ELAVL2: variants seen among roughly 807,000 people sequenced by gnomAD.
ELAVL2 encodes ELAV-like protein 2.
Under a neutral mutation model 34.6 loss-of-function variants are expected in ELAVL2, and 4 were observed. The ratio of observed to expected loss-of-function variants is 0.12; its 90% confidence interval spans 0.06 to 0.26. The LOEUF (loss-of-function observed/expected upper bound fraction) is 0.26. ELAVL2 is among the 10% of genes least tolerant of loss of function. The pLI is 1.00. For synonymous variants in ELAVL2, 193 were observed against 154.8 expected, an observed-to-expected ratio of 1.25 and a Z score of -1.83; for missense variants, 432 against 442.8, an observed-to-expected ratio of 0.98 and a Z score of 0.22.
At chr9:23,727,842 CT>C (rs1212041356) in intron 3 of ELAVL2, among the ~76,000 whole-genome samples, 1 of 152,018 alleles carries the variant, frequency 6.6e-6, no homozygotes, top group Non-Finnish European at 1.5e-5. Flanking sequence ...TGAGCTAATG[CT>C]ATTAGGGAGC....
chr9:23,840,618 C>T, the ELAVL2 span, among the ~76,000 whole-genome samples: 1 of 152,104 alleles, frequency 6.6e-6, no homozygotes, highest in African/African-American at 2.4e-5. Flanking sequence ...AAAGATTTTA[C>T]TTACATTCAT....
intron 2 of ELAVL2, among the ~76,000 whole-genome samples, chr9:23,740,203 C>G (rs1356348770): frequency 2.0e-5 from 3 of 152,170 alleles, no homozygotes. Flanking sequence ...GCTATGTCTA[C>G]CTGTCTGGCA....
At chr9:23,814,173 C>A (rs910797639) in intron 1 of ELAVL2, among the ~76,000 whole-genome samples, 2 of 152,202 alleles carry the variant, frequency 1.3e-5, no homozygotes, top group African/African-American at 2.4e-5. Context: ...GATCACCCTT[C>A]AGGACCTGTG....
chr9:23,821,863 G>T (rs1003853444), intron 1 of ELAVL2: 7 of 151,392 alleles, frequency 4.6e-5, no homozygotes, highest in African/African-American at 1.5e-4. Context: ...GGGCGGGAAG[G>T]AGGGGCTTGC....
the ELAVL2 span, among the ~76,000 whole-genome samples, chr9:23,836,546 T>A: frequency 1.3e-5 from 2 of 152,194 alleles, no homozygotes; most frequent in East Asian, 3.8e-4. Flanking sequence ...ACATGAAAGT[T>A]TGAGCCTCTT....
At chr9:23,765,944 A>G (rs1306586423) in intron 1 of ELAVL2, among the ~76,000 whole-genome samples, 1 of 152,166 alleles carries the variant, frequency 6.6e-6, no homozygotes, top group Non-Finnish European at 1.5e-5. Flanking sequence ...CCAAATACCA[A>G]ACAGAGCCAT....
At chr9:23,842,081 G>A in the ELAVL2 span, among the ~76,000 whole-genome samples, 21 of 152,160 alleles carry the variant, frequency 1.4e-4, no homozygotes, top group Admixed American at 1.2e-3. Flanking sequence ...CTTCCATTTC[G>A]TTTTTTGTTT....
intron 1 of ELAVL2, among the ~76,000 whole-genome samples, chr9:23,801,849 C>T (rs1259843260): frequency 6.6e-6 from 1 of 152,116 alleles, no homozygotes; most frequent in African/African-American, 2.4e-5. Context: ...GGGGAAGGGA[C>T]TCCCACAGAG....
At chr9:23,845,944 C>A in the ELAVL2 span, among the ~76,000 whole-genome samples, 6 of 151,872 alleles carry the variant, frequency 4.0e-5, no homozygotes, top group African/African-American at 1.2e-4. Flanking sequence ...TGTTGAATGT[C>A]AATGATGTCC....
intron 1 of ELAVL2, among the ~76,000 whole-genome samples, chr9:23,773,113 T>G (rs2057600263): frequency 6.6e-6 from 1 of 152,194 alleles, no homozygotes; most frequent in African/African-American, 2.4e-5. Flanking sequence ...AGTGTTATTT[T>G]TATTCAGTGA....
chr9:23,702,977 A>C (rs866812092), intron 4 of ELAVL2, among the ~76,000 whole-genome samples: 1 of 132,422 alleles, frequency 7.6e-6, no homozygotes, highest in African/African-American at 3.2e-5. Flanking sequence ...AAAAAAAAAA[A>C]AAAACAGCCT....
chr9:23,716,152 C>A (rs1249031788), intron 3 of ELAVL2, among the ~76,000 whole-genome samples: 2 of 130,106 alleles, frequency 1.5e-5, no homozygotes, highest in Non-Finnish European at 3.1e-5. Context: ...ACATCACACA[C>A]CGGGGCCTGT....
intron 2 of ELAVL2, among the ~76,000 whole-genome samples, chr9:23,761,745 T>C (rs535827159): frequency 1.3e-5 from 2 of 152,166 alleles, no homozygotes; most frequent in South Asian, 2.1e-4. Flanking sequence ...CAGATACATA[T>C]ACTTTTAGAA....
intron 4 of ELAVL2, among the ~76,000 whole-genome samples, chr9:23,703,499 C>T (rs1043712570): frequency 3.9e-5 from 6 of 152,122 alleles, no homozygotes; most frequent in African/African-American, 1.4e-4. Flanking sequence ...AATCTGTAGG[C>T]TATTCTCCCA....
At chr9:23,727,234 G>C (rs549319182) in intron 3 of ELAVL2, among the ~76,000 whole-genome samples, 1 of 152,074 alleles carries the variant, frequency 6.6e-6, no homozygotes, top group African/African-American at 2.4e-5. Flanking sequence ...AGGAAAAAAA[G>C]TGACCTTTAG....
At chr9:23,757,685 T>A (rs1368190911) in intron 2 of ELAVL2, among the ~76,000 whole-genome samples, 1 of 152,004 alleles carries the variant, frequency 6.6e-6, no homozygotes. Context: ...TCATGATGAA[T>A]GCCTATAGAT....
the ELAVL2 span, chr9:23,850,064 A>G: frequency 3.3e-5 from 5 of 151,750 alleles, no homozygotes; most frequent in Middle Eastern, 3.4e-3. Flanking sequence ...TTAAATATAC[A>G]ATCAAACCCC....
chr9:23,841,856 T>C, the ELAVL2 span, among the ~76,000 whole-genome samples: 1 of 152,190 alleles, frequency 6.6e-6, no homozygotes, highest in African/African-American at 2.4e-5. Context: ...TTTTAATGTA[T>C]TTAACTTTCT....
chr9:23,818,079 T>G (rs1197598845), intron 1 of ELAVL2, among the ~76,000 whole-genome samples: 7 of 152,188 alleles, frequency 4.6e-5, no homozygotes, highest in African/African-American at 1.7e-4. Flanking sequence ...GATTTGGCAC[T>G]GAACTACAAT....
Sources: allele counts gnomAD v4.1 joint callset (sites outside exome capture counted in the v4.1 genomes callset), GRCh38; gene constraint gnomAD v4.1.1; transcripts MANE v1.5; gene names NCBI Gene and HGNC (gene_info 2026-07-23, HGNC 2026-07-21).